OCIAD1: variants seen among roughly 807,000 people sequenced by gnomAD.
OCIAD1 encodes OCIA domain-containing protein 1.
OCIAD1 carries 29 observed loss-of-function variants against 38.9 expected under a neutral mutation model. The ratio of observed to expected loss-of-function variants is 0.74; its 90% CI spans 0.55 to 1.02. The LOEUF (loss-of-function observed/expected upper bound fraction) is 1.02. OCIAD1 is among the 50% of genes least tolerant of loss of function. OCIAD1 has a pLI of 0.00. For missense variants in OCIAD1, 288 were observed against 289.6 expected, an observed-to-expected ratio of 0.99 and a Z score of 0.04; for synonymous variants, 110 against 92.0, an observed-to-expected ratio of 1.20 and a Z score of -1.12.
chr4:48,833,205 T>A (rs1257984934), intron 2 of OCIAD1, among the ~76,000 whole-genome samples, 196 bp from the exon 3 acceptor site: 3 of 152,092 alleles, frequency 2.0e-5, no homozygotes, highest in African/African-American at 7.2e-5. Context: ...TGAGCCGAGA[T>A]CGCGCCATTG....
chr4:48,842,884 C>T (rs1396343675), intron 4 of OCIAD1, among the ~76,000 whole-genome samples, 195 bp downstream of exon 4: 3 of 152,050 alleles, frequency 2.0e-5, no homozygotes, highest in Non-Finnish European at 2.9e-5. Context: ...ATTTCTCCTG[C>T]ACTAATAGCA....
At position 48,849,969 on chromosome 4, in the gene OCIAD1, T is replaced by C. The variant is rs1779284753; in HGVS notation, c.264T>C (p.Phe88=). 3 of 1,610,884 alleles carry C rather than the reference T, an allele frequency of 1.9e-6. No homozygotes were observed. The highest frequency in any genetic ancestry group is 2.2e-5 in the South Asian group (2 of 89,780). Residue 88 remains phenylalanine, a synonymous_variant, in exon 6 of 9, where the codon TTT becomes TTC. Coordinates refer to ENST00000264312, the MANE Select transcript of OCIAD1 (RefSeq NM_017830.4). ...KLILACIMGY[F]AGKLSYVKTC... is the part of the protein sequence containing the mutation. The stretch of plus-strand genomic sequence containing the variant: ...AAGTTGCTTGTATCATGGGATACTT[T>C]GCTGGAAAACTTTCTTATGTGAAAA...
chr4:48,852,164 ACT>A (rs2109595199), intron 7 of OCIAD1, 189 bp downstream of exon 7: 1 of 491,676 alleles, frequency 2.0e-6, no homozygotes, highest in East Asian at 3.3e-5. Flanking sequence ...GGTGTCAAGG[ACT>A]CTGCTAGACG....
chr4:48,856,244 A>G (rs185217648), intron 7 of OCIAD1: 3 of 152,330 alleles, frequency 2.0e-5, no homozygotes, highest in East Asian at 3.9e-4. Flanking sequence ...TTTGGGAGAA[A>G]TAAAGAATAA....
At position 48,850,034 on chromosome 4, in the gene OCIAD1, T is replaced by A. The variant is rs758786257; in HGVS notation, c.329T>A (p.Leu110His). 2 of 1,613,412 alleles carry A rather than the reference T, an allele frequency of 1.2e-6. No individual in the cohort carries two copies. The highest frequency in any genetic ancestry group is 1.7e-6 in the Non-Finnish European group (2 of 1,179,844). The change falls in exon 6 of 9, where the codon CTT becomes CAT. Residue 110 changes from leucine (L) to histidine (H), a missense_variant. Physicochemically the swap from Leu to His is moderately conservative, Grantham distance 99. Coordinates refer to ENST00000264312, the MANE Select transcript of OCIAD1 (RefSeq NM_017830.4). Reference protein sequence around the residue: ...EKFKKLENSPLGEALRSGQAR... With the variant: ...EKFKKLENSPHGEALRSGQAR... Reference sequence around the variant, plus strand: ...TTCAAGAAACTTGAAAATTCCCCCCTTGGAGAAGCTTTACGATCAGGACAA... The same window carrying A: ...TTCAAGAAACTTGAAAATTCCCCCCATGGAGAAGCTTTACGATCAGGACAA...
At chr4:48,847,958 A>T (rs1176761909) in intron 4 of OCIAD1, among the ~76,000 whole-genome samples, 1 of 152,044 alleles carries the variant, frequency 6.6e-6, no homozygotes, top group Non-Finnish European at 1.5e-5. Context: ...CATCTTTAGA[A>T]TATTGGGTCT....
chr4:48,825,924 A>G lies in OCIAD1; in HGVS notation c.-102-4653A>G, dbSNP rs542580163. 1.5e-3 allele frequency among the ~76,000 whole-genome samples: 229 copies of G among 151,670 alleles called. 1 individual carries two copies. The highest frequency in any genetic ancestry group is 5.3e-3 in the African/African-American group (221 of 41,342). ...ACAATCTTGGCTCACTGCAACCTCC[A>G]CCTCCTGGGTTCAAGCAATTCTTCT... is the stretch of plus-strand genomic sequence containing the variant. On this transcript the variant is annotated intron_variant, in intron 1 of 6. Transcript: ENST00000504654.
In OCIAD1 at chr4:48,851,759, T is replaced by C. The variant is rs757424115; in HGVS notation, c.378-47T>C. 17 of 1,063,802 alleles carry C rather than the reference T, an allele frequency of 1.6e-5. No individual in the cohort carries two copies. In the East Asian group the frequency reaches 2.2e-4, roughly 14 times the overall value. 65.9% of individuals were successfully genotyped at this position (1,063,802 alleles called of 1,614,324 possible). ...GTTATTTTAACACTTCTTTAAGATA[T>C]AGGCAATGACTCATATTTCTTACTA... On this transcript the variant is annotated intron_variant, in intron 6 of 8. Coordinates refer to ENST00000264312, the MANE Select transcript of OCIAD1 (RefSeq NM_017830.4).
chr4:48,841,251 G>A (rs1778500339), intron 3 of OCIAD1, among the ~76,000 whole-genome samples: 1 of 152,182 alleles, frequency 6.6e-6, no homozygotes, highest in African/African-American at 2.4e-5. Flanking sequence ...GCTCTTCATA[G>A]AACGTGTTTG....
At chr4:48,820,985 G>C (rs572133239) in intron 1 of OCIAD1, among the ~76,000 whole-genome samples, 1 of 152,098 alleles carries the variant, frequency 6.6e-6, no homozygotes, top group African/African-American at 2.4e-5. Context: ...GGAGGAGCTG[G>C]TACCATTCGT....
intron 1 of OCIAD1, among the ~76,000 whole-genome samples, chr4:48,808,159 A>G (rs984398891): frequency 2.0e-5 from 3 of 152,128 alleles, no homozygotes; most frequent in Non-Finnish European, 2.9e-5. Flanking sequence ...AGATGTTGCA[A>G]ATGTGATGAT....
At chr4:48,855,717 C>T (rs1050834534) in intron 7 of OCIAD1, among the ~76,000 whole-genome samples, 3 of 151,462 alleles carry the variant, frequency 2.0e-5, no homozygotes, top group African/African-American at 7.3e-5. Flanking sequence ...TTGGGAGGCT[C>T]AGGCAGGACA....
At chr4:48,836,054 C>T (rs1413033062) in intron 3 of OCIAD1, among the ~76,000 whole-genome samples, 1 of 152,000 alleles carries the variant, frequency 6.6e-6, no homozygotes, top group Non-Finnish European at 1.5e-5. Context: ...CGTTTAGGTT[C>T]TTGAGCAGAG....
upstream of OCIAD1, among the ~76,000 whole-genome samples, chr4:48,827,296 A>G (rs1178253878): frequency 1.3e-5 from 2 of 152,206 alleles, no homozygotes; most frequent in African/African-American, 4.8e-5. Flanking sequence ...TCCCTTTATT[A>G]TTAATTTTTT....
chr4:48,849,259 C>T (rs1325264708), intron 5 of OCIAD1, among the ~76,000 whole-genome samples: 1 of 151,772 alleles, frequency 6.6e-6, no homozygotes, highest in East Asian at 1.9e-4. Context: ...CAAACCTGCA[C>T]ATTATGCACA....
At chr4:48,852,882 G>GTTTTTTTTTTTTTT (rs1439653723) in intron 7 of OCIAD1, among the ~76,000 whole-genome samples, 9 of 126,302 alleles carry the variant, frequency 7.1e-5, no homozygotes, top group Admixed American at 2.4e-4. Flanking sequence ...TTTGTTTTTT[G>GTTTTTTTTTTTTTT]TTTTTTTTTT....
chr4:48,858,103 G>A (rs1431533987), intron 8 of OCIAD1, among the ~76,000 whole-genome samples: 5 of 152,136 alleles, frequency 3.3e-5, no homozygotes, highest in Admixed American at 6.5e-5. Flanking sequence ...GCAGTGAACC[G>A]ACATCACGCC....
intron 1 of OCIAD1, among the ~76,000 whole-genome samples, chr4:48,815,232 G>T (rs1457460452): frequency 2.0e-5 from 3 of 152,170 alleles, no homozygotes; most frequent in African/African-American, 7.2e-5. Flanking sequence ...AGAATTGCTT[G>T]AAACCAGAAG....
At position 48,831,141 on chromosome 4, in the gene OCIAD1, G is replaced by A. The variant is rs1777443427; in HGVS notation, c.-114G>A. On this transcript the variant is annotated 5_prime_UTR_variant, in exon 1 of 9. Transcript: ENST00000264312. ...CTGTTCTACCCCTCCCCCTCCCCGC[G>A]GTACCTTGCACTTTTCTCCCTCCCT... 2 of 282,466 alleles carry A rather than the reference G, an allele frequency of 7.1e-6. No homozygotes were observed. The highest frequency in any genetic ancestry group is 3.1e-5 in the South Asian group (1 of 32,304). The allele number at this position is 282,466 out of a possible 1,614,324, so 17.5% of individuals were successfully genotyped here. A position where few individuals can be genotyped will look rare whatever the true frequency, so the allele number is the denominator to read the frequency against.
Sources: gnomAD v4.1 joint callset for allele counts (sites outside exome capture counted in the v4.1 genomes callset) on GRCh38, gnomAD v4.1.1 for gene constraint, MANE v1.5 for transcripts, NCBI Gene and HGNC (gene_info 2026-07-23, HGNC 2026-07-21) for gene names.